The following RFX1 variants were observed in gnomAD, a reference collection of about 807,000 sequenced individuals.
The protein encoded by RFX1 is regulatory factor X1.
A neutral mutation model predicts 119.6 loss-of-function variants in RFX1; 42 were observed. The ratio of observed to expected loss-of-function variants is 0.35; its 90% confidence interval spans 0.27 to 0.45. The LOEUF (loss-of-function observed/expected upper bound fraction) is 0.45, where lower values mean the gene tolerates loss of function less well. Among genes scored for constraint, RFX1 ranks in the 20% least tolerant of loss-of-function variants. The pLI, the probability that RFX1 is intolerant of heterozygous loss-of-function variation, is 1.00. For missense variants in RFX1, 1,118 were observed against 1,368.1 expected, an observed-to-expected ratio of 0.82 and a Z score of 2.88; for synonymous variants, 628 against 618.5, an observed-to-expected ratio of 1.02 and a Z score of -0.23.
At chr19:13,998,899 T>C (rs901281263) in intron 1 of RFX1, among the ~76,000 whole-genome samples, 2 of 152,080 alleles carry the variant, frequency 1.3e-5, no homozygotes, top group African/African-American at 4.8e-5. Flanking sequence ...CTCCTAGGGA[T>C]ACAAAGCCCA....
rs370018868 is a variant in RFX1, at chr19:13,966,675, C to T, written c.1809G>A (p.Gly603=). 15 of 1,611,224 alleles carry T rather than the reference C, an allele frequency of 9.3e-6. No homozygotes were observed. The highest frequency in any genetic ancestry group is 1.3e-5 in the African/African-American group (1 of 74,838). Residue 603 remains glycine (G), a synonymous_variant, in exon 13 of 21, where the codon GGG becomes GGA. Coordinates refer to ENST00000254325, the MANE Select transcript of RFX1 (RefSeq NM_002918.5). This position sits in a 1 kb window ranked among gnomAD's most constrained non-coding sequence, Gnocchi z 6.3. ...GKVLPEGVGP[G]DIKAFQVLYR... ...ACAGGACCTGGAAGGCTTTGATGTCCCCGGGCCCGACGCCCTCAGGCAGCA... is the reference window on the plus strand; with the variant it reads ...ACAGGACCTGGAAGGCTTTGATGTCTCCGGGCCCGACGCCCTCAGGCAGCA...
Position 13,983,290 on chromosome 19 carries a change from G to A in RFX1, c.430-20C>T, listed in dbSNP as rs1974487897. 1 of 1,534,314 alleles carries A rather than the reference G, an allele frequency of 6.5e-7. No individual in the cohort carries two copies. The highest frequency in any genetic ancestry group is 8.7e-7 in the Non-Finnish European group (1 of 1,142,874). On this transcript the variant is annotated intron_variant, in intron 3 of 20. Transcript: ENST00000254325. ...CAGCCGCTGTGGAGACAAGGCAGGAGGAGCTGAGCTGCCACTTCCCCCAGG... is the reference window on the plus strand; with the variant it reads ...CAGCCGCTGTGGAGACAAGGCAGGAAGAGCTGAGCTGCCACTTCCCCCAGG...
chr19:13,970,661 CAAAAAAAAAAAAAAAAA>C (rs1167910642), intron 9 of RFX1, among the ~76,000 whole-genome samples: 14 of 25,828 alleles, frequency 5.4e-4, no homozygotes, highest in South Asian at 1.5e-3. Flanking sequence ...GACCTTGTCT[CAAAAAAAAAAAAAAAAA>C]AAAAAAAAAA....
Position 13,981,989 on chromosome 19 carries a change from G to A in RFX1, c.621+132C>T, listed in dbSNP as rs746973805. On this transcript the variant is annotated intron_variant, in intron 5 of 20. Coordinates refer to ENST00000254325, the MANE Select transcript of RFX1 (RefSeq NM_002918.5). ...ACAAGGGCGTTGCACTGGGAGTGAA[G>A]AGGGAAGCAGGACTTTGGAGGAGCA... is the stretch of plus-strand genomic sequence containing the variant. The A allele has an allele frequency of 7.0e-5, 28 of 397,908 alleles. 1 individual carries two copies. The Admixed American group carries it at 1.2e-3, about 17-fold the overall frequency. The allele number at this position is 397,908 out of a possible 1,614,324, so 24.6% of individuals were successfully genotyped here. A position where few individuals can be genotyped will look rare whatever the true frequency, so the allele number is the denominator to read the frequency against.
chr19:13,969,680 G>T lies in RFX1; in HGVS notation c.1496+314C>A. The T allele has an allele frequency of 3.7e-6, 1 of 267,516 alleles. No individual in the cohort carries two copies. Among genetic ancestry groups the T allele is most frequent in the African/African-American group, 2.2e-5 (1 of 45,578 alleles). The allele number at this position is 267,516 out of a possible 1,614,324, so 16.6% of individuals were successfully genotyped here. On this transcript the variant is annotated intron_variant, in intron 10 of 20. Coordinates refer to ENST00000254325, the MANE Select transcript of RFX1 (RefSeq NM_002918.5). The surrounding 1 kb of genome is among the most constrained non-coding windows in gnomAD (Gnocchi z 4.5). ...GTCTCCAAAAAAAAAAAAAAGTCAC[G>T]TGTGAGCGTGCTGAATGCTAAAGAG...
At chr19:13,984,457 G>C (rs1485251773) in intron 2 of RFX1, among the ~76,000 whole-genome samples, 2 of 152,212 alleles carry the variant, frequency 1.3e-5, no homozygotes, top group African/African-American at 2.4e-5. Flanking sequence ...TGAGGAGGGA[G>C]GTTGGTACCC....
At chr19:13,979,857 T>C (rs1208499622) in intron 6 of RFX1, among the ~76,000 whole-genome samples, 2 of 152,066 alleles carry the variant, frequency 1.3e-5, no homozygotes, top group African/African-American at 4.8e-5. Context: ...CACCCCCCAA[T>C]GTCAACTGTG....
At position 13,969,033 on chromosome 19, in the gene RFX1, G is replaced by A. The variant is rs575973276; in HGVS notation, c.1497-139C>T. The A allele has an allele frequency of 9.4e-6, 9 of 955,838 alleles. No individual in the cohort carries two copies. The African/African-American group carries it at 1.1e-4, about 12-fold the overall frequency. The allele number at this position is 955,838 out of a possible 1,614,324, so 59.2% of individuals were successfully genotyped here. A position where few individuals can be genotyped will look rare whatever the true frequency, so the allele number is the denominator to read the frequency against. Reference sequence around the variant, plus strand: ...CCTGCCCTGCAGAGACGGGGGTGCTGCACTGAGGAGGCACAGGGGCTGTGG... The same window carrying A: ...CCTGCCCTGCAGAGACGGGGGTGCTACACTGAGGAGGCACAGGGGCTGTGG... On this transcript the variant is annotated intron_variant, in intron 10 of 20. Transcript: ENST00000254325. The surrounding 1 kb of genome is among the most constrained non-coding windows in gnomAD (Gnocchi z 4.5).
At chr19:13,975,199 T>C (rs1974218312) in intron 8 of RFX1, among the ~76,000 whole-genome samples, 1 of 150,766 alleles carries the variant, frequency 6.6e-6, no homozygotes, top group South Asian at 2.1e-4. Flanking sequence ...CTACTGAAAA[T>C]ACAAAAAGTT....
chr19:13,997,711 C>T (rs1975083201), intron 1 of RFX1, among the ~76,000 whole-genome samples: 1 of 152,204 alleles, frequency 6.6e-6, no homozygotes, highest in Non-Finnish European at 1.5e-5. Context: ...AGGAACAGAG[C>T]TGACAGGGCC....
chr19:13,962,648 T>C lies in RFX1; in HGVS notation c.*47A>G, dbSNP rs1050212912. The C allele has an allele frequency of 4.1e-5, 34 of 830,552 alleles. No homozygotes were observed. Among genetic ancestry groups the C allele is most frequent in the Admixed American group, 9.0e-5 (1 of 11,144 alleles). 51.4% of individuals were successfully genotyped at this position (830,552 alleles called of 1,614,324 possible). ...AAGCCACAGAAGCTTTGAGGGACCC[T>C]GGCGTGGAGGGGTGGCGGGGGCGGG... is the stretch of plus-strand genomic sequence containing the variant. On this transcript the variant is annotated 3_prime_UTR_variant, in exon 21 of 21. Transcript: ENST00000254325.
rs769411085 is a variant in RFX1 at position 13,965,399 on chromosome 19, G to T, written c.2211+50C>A. ...ACCGCCCCTGGGGAGCAGAGGAGAC[G>T]GAGGCCTAAGCCCCAGAGATAGGAG... On this transcript the variant is annotated intron_variant, in intron 16 of 20. Coordinates refer to ENST00000254325, the MANE Select transcript of RFX1 (RefSeq NM_002918.5). This position sits in a 1 kb window ranked among gnomAD's most constrained non-coding sequence, Gnocchi z 4.7. The T allele has an allele frequency of 2.4e-5, 37 of 1,519,990 alleles. No individual in the cohort carries two copies. Among genetic ancestry groups the T allele is most frequent in the Non-Finnish European group, 3.3e-5 (36 of 1,098,908 alleles). 94.2% of individuals were successfully genotyped at this position (1,519,990 alleles called of 1,614,324 possible).
At chr19:13,974,036 G>A (rs2145566312) in intron 8 of RFX1, among the ~76,000 whole-genome samples, 1 of 152,234 alleles carries the variant, frequency 6.6e-6, no homozygotes, top group African/African-American at 2.4e-5. Flanking sequence ...TACTTCGAGT[G>A]CCTACTGTGT....
chr19:13,962,578 G>A lies in RFX1; in HGVS notation c.*117C>T, dbSNP rs1973727816. The A allele has an allele frequency of 3.5e-6, 3 of 847,106 alleles. No individual in the cohort carries two copies. The highest frequency in any genetic ancestry group is 3.2e-5 in the Admixed American group (1 of 30,976). The allele number at this position is 847,106 out of a possible 1,614,324, so 52.5% of individuals were successfully genotyped here. ...GGAGGGCCCCGGTCTTCCCTGTCTC[G>A]GAGTCCCCCTCCCTGCCCTGGCTGA... is the stretch of plus-strand genomic sequence containing the variant. On this transcript the variant is annotated 3_prime_UTR_variant, in exon 21 of 21. Transcript: ENST00000254325.
At position 13,965,436 on chromosome 19, in the gene RFX1, C is replaced by G; in HGVS notation, c.2211+13G>C. 2 of 1,611,590 alleles carry G rather than the reference C, an allele frequency of 1.2e-6. No individual in the cohort carries two copies. Among genetic ancestry groups the G allele is most frequent in the African/African-American group, 2.7e-5 (2 of 75,010 alleles). ...CCCAGAGATAGGAGAAAGGGACCCC[C>G]TCACACTCTCACCTTCACCCGCAGC... On this transcript the variant is annotated intron_variant, in intron 16 of 20. Coordinates refer to ENST00000254325, the MANE Select transcript of RFX1 (RefSeq NM_002918.5). The surrounding 1 kb of genome is among the most constrained non-coding windows in gnomAD (Gnocchi z 4.7).
chr19:13,963,405 G>A (rs1313896730), intron 18 of RFX1, 130 bp from the exon 19 acceptor site: 4 of 1,429,764 alleles, frequency 2.8e-6, no homozygotes, highest in Non-Finnish European at 3.8e-6. Flanking sequence ...CAGCCTTCCC[G>A]GCACATGAGC....
intron 1 of RFX1, among the ~76,000 whole-genome samples, chr19:14,003,863 G>A (rs1306475558): frequency 6.6e-6 from 1 of 152,092 alleles, no homozygotes; most frequent in Non-Finnish European, 1.5e-5. Flanking sequence ...TGGTGACTGA[G>A]GCAGTCAACA....
intron 7 of RFX1, 23 bp from the exon 8 acceptor site, chr19:13,978,109 G>A: frequency 6.3e-7 from 1 of 1,582,480 alleles, no homozygotes; most frequent in Non-Finnish European, 8.7e-7. Context: ...AAGGGCACGT[G>A]GAGGGTCAGG....
chr19:13,991,283 G>A (rs893757169), intron 2 of RFX1, among the ~76,000 whole-genome samples: 1 of 152,178 alleles, frequency 6.6e-6, no homozygotes, highest in African/African-American at 2.4e-5. Flanking sequence ...TGATGGAGGT[G>A]AAGGTGGGGC....
Sources: gnomAD v4.1 joint callset for allele counts (sites outside exome capture counted in the v4.1 genomes callset) on GRCh38, gnomAD v4.1.1 for gene constraint, Gnocchi (gnomAD v3.1) non-coding constraint, MANE v1.5 for transcripts, NCBI Gene and HGNC (gene_info 2026-07-23, HGNC 2026-07-21) for gene names.